M1AP: variants seen among roughly 807,000 people sequenced by gnomAD.
The protein encoded by M1AP is meiosis 1 associated protein, also known as meiosis 1 arrest protein.
Under a neutral mutation model 51.2 loss-of-function variants are expected in M1AP, and 39 were observed. The ratio of observed to expected loss-of-function variants is 0.76; its 90% CI spans 0.59 to 1.00. M1AP has a LOEUF of 1.00. M1AP is among the 50% of genes least tolerant of loss of function. The pLI, the probability that M1AP is intolerant of heterozygous loss-of-function variation, is 0.00. For missense variants in M1AP, 545 were observed against 641.2 expected (o/e 0.85, Z 1.62); for synonymous variants, 251 against 249.2 (o/e 1.01, Z -0.07).
chr2:74,638,094 A>C (rs1234871294), intron 2 of M1AP, among the ~76,000 whole-genome samples: 1 of 150,256 alleles, frequency 6.7e-6, no homozygotes, highest in Non-Finnish European at 1.5e-5. Flanking sequence ...TTGCTCTGTC[A>C]CCCAGGCTGG....
intron 5 of M1AP, chr2:74,576,989 CA>C: frequency 1.2e-6 from 1 of 817,750 alleles, no homozygotes; most frequent in Non-Finnish European, 1.5e-6. Context: ...TAGCTAATGC[CA>C]AAATATGCAG....
At chr2:74,635,319 T>A (rs1682923007) in intron 2 of M1AP, among the ~76,000 whole-genome samples, 1 of 152,120 alleles carries the variant, frequency 6.6e-6, no homozygotes, top group Non-Finnish European at 1.5e-5. Context: ...TAAGGGCCTA[T>A]AATGACACTC....
At chr2:74,583,042 T>C (rs1387644084) in intron 4 of M1AP, among the ~76,000 whole-genome samples, 1 of 150,838 alleles carries the variant, frequency 6.6e-6, no homozygotes, top group Non-Finnish European at 1.5e-5. Context: ...ATAAAATAAA[T>C]AAAAAATAAA....
chr2:74,584,864 A>T (rs1356023324), intron 4 of M1AP, among the ~76,000 whole-genome samples: 2 of 149,402 alleles, frequency 1.3e-5, no homozygotes, highest in African/African-American at 4.9e-5. Context: ...TTTTTTTGAG[A>T]TGGGGTCTCA....
At chr2:74,602,488 G>A (rs558130873) in intron 4 of M1AP, among the ~76,000 whole-genome samples, 2 of 152,174 alleles carry the variant, frequency 1.3e-5, no homozygotes, top group Non-Finnish European at 2.9e-5. Context: ...ACTGCATGGA[G>A]TAGGAATTAA....
At chr2:74,613,567 G>T (rs1233408991) in intron 3 of M1AP, among the ~76,000 whole-genome samples, 1 of 152,176 alleles carries the variant, frequency 6.6e-6, no homozygotes, top group Non-Finnish European at 1.5e-5. Flanking sequence ...TACATTGAAG[G>T]ATACAGCTGG....
At chr2:74,636,339 C>T (rs1457013976) in intron 2 of M1AP, among the ~76,000 whole-genome samples, 2 of 152,024 alleles carry the variant, frequency 1.3e-5, no homozygotes, top group Non-Finnish European at 1.5e-5. Flanking sequence ...TTTCAGCCTA[C>T]ATTTAATGTG....
chr2:74,575,450 A>G lies in M1AP; in HGVS notation c.1062T>C (p.Cys354=). Residue 354 remains cysteine (C), a synonymous_variant, in exon 7 of 11, where the codon TGT becomes TGC. Transcript: ENST00000421985. The part of the protein sequence containing the change: ...ETNQQHFHAL[C]HSLLKREWLL... Reference sequence around the variant, plus strand: ...CATGGGTACTCACCAGCAGGCTGTGACACAAAGCATGGAAATGTTGCTGAT... The same window carrying G: ...CATGGGTACTCACCAGCAGGCTGTGGCACAAAGCATGGAAATGTTGCTGAT... The G allele has an allele frequency of 6.2e-7, 1 of 1,614,132 alleles. No individual in the cohort carries two copies. The highest frequency in any genetic ancestry group is 1.3e-5 in the African/African-American group (1 of 75,024).
intron 4 of M1AP, among the ~76,000 whole-genome samples, chr2:74,590,396 A>C (rs1296496179): frequency 1.3e-5 from 2 of 151,134 alleles, no homozygotes; most frequent in Admixed American, 6.6e-5. Flanking sequence ...CCCACCTCCT[A>C]ATACTATCTA....
intron 4 of M1AP, among the ~76,000 whole-genome samples, chr2:74,601,904 T>C (rs914632852): frequency 1.3e-5 from 2 of 152,176 alleles, no homozygotes; most frequent in Non-Finnish European, 2.9e-5. Context: ...TGTGCAGAAC[T>C]GTACTAAAGT....
At chr2:74,579,311 A>C (rs1204481899) in intron 5 of M1AP, among the ~76,000 whole-genome samples, 2 of 152,204 alleles carry the variant, frequency 1.3e-5, no homozygotes, top group African/African-American at 4.8e-5. Flanking sequence ...GAAAGAAGTG[A>C]ATCTCTAGCC....
intron 5 of M1AP, among the ~76,000 whole-genome samples, chr2:74,578,783 A>C (rs1416560114): frequency 6.6e-6 from 1 of 152,218 alleles, no homozygotes; most frequent in Non-Finnish European, 1.5e-5. Flanking sequence ...TGTAAGAAGG[A>C]GTCAGAGTGA....
intron 2 of M1AP, among the ~76,000 whole-genome samples, chr2:74,617,127 T>C (rs1216279110): frequency 1.3e-5 from 2 of 152,248 alleles, no homozygotes; most frequent in South Asian, 2.1e-4. Flanking sequence ...CTACAAGGCA[T>C]TTTGATGTCA....
rs1553415008 is a variant in M1AP, at chr2:74,611,897, T to TTG, written c.426+3066_426+3067insCA. On this transcript the variant is annotated intron_variant, in intron 3 of 10. Coordinates refer to ENST00000421985, the MANE Select transcript of M1AP (RefSeq NM_001321739.2). ...ACAAAAAAGTGTTTTTTTTTTTTTTTTTTTTTTTTTTTTTGAGACAGTGTC... is the reference window on the plus strand; with the variant it reads ...ACAAAAAAGTGTTTTTTTTTTTTTTTTGTTTTTTTTTTTTTTGAGACAGTGTC... Among the ~76,000 whole-genome samples the TTG allele has an allele frequency of 1.3e-4, 11 of 85,380 alleles. No individual in the cohort carries two copies. In the South Asian group the frequency reaches 1.9e-3, roughly 15 times the overall value. 56.0% of individuals were successfully genotyped at this position (85,380 alleles called of 152,430 possible).
chr2:74,599,002 G>A (rs1001053308), intron 4 of M1AP, among the ~76,000 whole-genome samples: 61 of 151,980 alleles, frequency 4.0e-4, no homozygotes, highest in Non-Finnish European at 2.9e-5. Flanking sequence ...TATGGGCTGG[G>A]CACGGTGGCT....
chr2:74,561,030 AG>A (rs1677889994), intron 8 of M1AP, among the ~76,000 whole-genome samples: 2 of 134,062 alleles, frequency 1.5e-5, no homozygotes, highest in African/African-American at 6.5e-5. Flanking sequence ...GAAGAGGAAA[AG>A]GAGAAGGAGG....
chr2:74,580,566 A>G (rs1679341161), intron 5 of M1AP, among the ~76,000 whole-genome samples: 1 of 152,174 alleles, frequency 6.6e-6, no homozygotes, highest in Non-Finnish European at 1.5e-5. Flanking sequence ...CCTGTGTAGT[A>G]ACACCTCCAA....
intron 5 of M1AP, among the ~76,000 whole-genome samples, chr2:74,577,232 C>A (rs1426121984): frequency 6.6e-6 from 1 of 152,082 alleles, no homozygotes; most frequent in Admixed American, 6.6e-5. Context: ...GAATTTAGGA[C>A]CTTCTGGGCC....
chr2:74,632,687 C>T (rs1682771643), intron 2 of M1AP, among the ~76,000 whole-genome samples: 1 of 152,170 alleles, frequency 6.6e-6, no homozygotes, highest in African/African-American at 2.4e-5. Flanking sequence ...TAGATTCTTG[C>T]TTATACTATT....
Sources: allele counts gnomAD v4.1 joint callset (sites outside exome capture counted in the v4.1 genomes callset), GRCh38; gene constraint gnomAD v4.1.1; transcripts MANE v1.5; gene names NCBI Gene and HGNC (gene_info 2026-07-23, HGNC 2026-07-21).